Variants in MEF2C observed in about 807,000 individuals in gnomAD.
MEF2C encodes myocyte enhancer factor 2C.
Under a neutral mutation model 50.5 loss-of-function variants are expected in MEF2C, and 6 were observed. That is an observed-to-expected ratio of 0.12 (90% CI 0.07 to 0.23). MEF2C has a LOEUF of 0.23. MEF2C is among the 10% of genes least tolerant of loss of function. The pLI is 1.00. For synonymous variants in MEF2C, 183 were observed against 228.0 expected (o/e 0.80, Z 1.78); for missense variants, 276 against 605.0 (o/e 0.46, Z 5.70).
At chr5:88,876,921 C>A (rs895792120) in intron 1 of MEF2C, among the ~76,000 whole-genome samples, 1 of 151,892 alleles carries the variant, frequency 6.6e-6, no homozygotes, top group African/African-American at 2.4e-5. Flanking sequence ...GCTCATGATG[C>A]TATTTGGAAA....
At chr5:88,792,161 G>A (rs1562058647) in intron 3 of MEF2C, among the ~76,000 whole-genome samples, 1 of 151,928 alleles carries the variant, frequency 6.6e-6, no homozygotes, top group African/African-American at 2.4e-5. Flanking sequence ...GGTAAATACT[G>A]GTCCAATGTT....
intron 3 of MEF2C, among the ~76,000 whole-genome samples, chr5:88,791,783 T>C (rs1298892350): frequency 6.6e-6 from 1 of 152,102 alleles, no homozygotes; most frequent in Non-Finnish European, 1.5e-5. Context: ...TATTTACAGG[T>C]ACTAATAAAA....
intron 3 of MEF2C, among the ~76,000 whole-genome samples, chr5:88,781,200 G>A (rs563140712): frequency 6.6e-6 from 1 of 152,176 alleles, no homozygotes; most frequent in African/African-American, 2.4e-5. Context: ...TTTATAAAAT[G>A]TGACATTTTA....
Position 88,751,577 on chromosome 5 carries a change from A to G in MEF2C, c.589+280T>C, listed in dbSNP as rs184429616. On this transcript the variant is annotated intron_variant, in intron 5 of 10. Coordinates refer to ENST00000504921, the MANE Select transcript of MEF2C (RefSeq NM_002397.5). ...AGAAGTAAAAGTGTGGAGAAAGGATATCTGACATCCTGTTTGAGAGTATGT... is the reference window on the plus strand; with the variant it reads ...AGAAGTAAAAGTGTGGAGAAAGGATGTCTGACATCCTGTTTGAGAGTATGT... 2.6e-4 allele frequency: 252 copies of G among 959,306 alleles called. 1 individual carries two copies. In the African/African-American group the frequency reaches 4.1e-3, roughly 16 times the overall value. 59.4% of individuals were successfully genotyped at this position (959,306 alleles called of 1,614,324 possible).
chr5:88,738,208 A>G, intron 6 of MEF2C: 1 of 985,394 alleles, frequency 1.0e-6, no homozygotes, highest in Non-Finnish European at 1.2e-6. Context: ...GAGAAGCATG[A>G]AAGTAATCTG....
chr5:88,810,317 A>T (rs1205905141), intron 2 of MEF2C, among the ~76,000 whole-genome samples: 2 of 152,156 alleles, frequency 1.3e-5, no homozygotes, highest in Non-Finnish European at 2.9e-5. Flanking sequence ...AAAGAAGGTA[A>T]ATGATGTCTG....
chr5:88,816,936 G>A (rs756061192), intron 2 of MEF2C, among the ~76,000 whole-genome samples: 45 of 151,752 alleles, frequency 3.0e-4, no homozygotes, highest in Non-Finnish European at 5.3e-4. Flanking sequence ...CACTAGGTCT[G>A]AAAGAGATTC....
chr5:88,749,038 G>A (rs1581701029), intron 6 of MEF2C, 32 bp downstream of exon 6: 3 of 1,559,146 alleles, frequency 1.9e-6, no homozygotes, highest in Non-Finnish European at 1.7e-6. Context: ...TCAGAACAAT[G>A]ATACATACTG....
intron 6 of MEF2C, chr5:88,735,071 G>A (rs940134361): frequency 2.0e-6 from 2 of 985,212 alleles, no homozygotes; most frequent in Admixed American, 6.2e-5. Flanking sequence ...ATTCAGGAAT[G>A]CAAGACTGTG....
chr5:88,747,715 G>T (rs1316366285), intron 6 of MEF2C, among the ~76,000 whole-genome samples: 1 of 151,944 alleles, frequency 6.6e-6, no homozygotes, highest in Non-Finnish European at 1.5e-5. Flanking sequence ...AAGCAAATCG[G>T]TGCAGTGAGA....
At chr5:88,874,587 A>G (rs1830510703) in intron 1 of MEF2C, among the ~76,000 whole-genome samples, 2 of 151,944 alleles carry the variant, frequency 1.3e-5, no homozygotes, top group African/African-American at 4.8e-5. Flanking sequence ...ACATTTTTTA[A>G]GATCTATGTT....
intron 3 of MEF2C, among the ~76,000 whole-genome samples, chr5:88,797,627 G>T (rs1259690756): frequency 6.6e-6 from 1 of 151,786 alleles, no homozygotes; most frequent in South Asian, 2.1e-4. Flanking sequence ...TTTAATTGGG[G>T]CATTTAGCCC....
chr5:88,854,589 A>G (rs1489141308), intron 1 of MEF2C, among the ~76,000 whole-genome samples: 1 of 152,148 alleles, frequency 6.6e-6, no homozygotes, highest in East Asian at 1.9e-4. Flanking sequence ...CTGAATTAGG[A>G]TAATTATTAC....
intron 1 of MEF2C, among the ~76,000 whole-genome samples, chr5:88,902,436 G>A (rs1474429458): frequency 1.3e-5 from 2 of 151,730 alleles, no homozygotes; most frequent in African/African-American, 4.8e-5. Flanking sequence ...TCATTAAAAT[G>A]TTTGTGGGTA....
chr5:88,841,126 T>C (rs986814001), intron 1 of MEF2C, among the ~76,000 whole-genome samples: 1 of 152,228 alleles, frequency 6.6e-6, no homozygotes, highest in African/African-American at 2.4e-5. Context: ...ATCAGTGTGA[T>C]AGTTAACTCC....
At chr5:88,782,300 TA>T (rs1788480482) in intron 3 of MEF2C, 1 of 336,138 alleles carries the variant, frequency 3.0e-6, no homozygotes, top group Admixed American at 6.5e-5. Context: ...ATCCTGTCTC[TA>T]CAAAAAATAC....
At chr5:88,804,528 T>C in intron 3 of MEF2C, 70 bp downstream of exon 3, 1 of 1,331,654 alleles carries the variant, frequency 7.5e-7, no homozygotes, top group South Asian at 1.2e-5. Context: ...TGTGTATGTG[T>C]GTGTGGCAGG....
chr5:88,766,749 C>A (rs999248592), intron 3 of MEF2C: 1 of 985,164 alleles, frequency 1.0e-6, no homozygotes, highest in Non-Finnish European at 1.2e-6. Context: ...GTAGTGTGAT[C>A]TTTACTTCAG....
intron 6 of MEF2C, chr5:88,741,874 A>G (rs1162506742): frequency 1.0e-6 from 1 of 985,280 alleles, no homozygotes; most frequent in Non-Finnish European, 1.2e-6. Flanking sequence ...GTGAACACTT[A>G]GCACCTTTTG....
Sources: allele counts gnomAD v4.1 joint callset (sites outside exome capture counted in the v4.1 genomes callset), GRCh38; gene constraint gnomAD v4.1.1; transcripts MANE v1.5; gene names NCBI Gene and HGNC (gene_info 2026-07-23, HGNC 2026-07-21).